Variants in CCDC3 observed in about 807,000 individuals in gnomAD.
CCDC3 encodes coiled-coil domain-containing protein 3.
CCDC3 carries 24 observed loss-of-function variants against 21.4 expected under a neutral mutation model. That is an observed-to-expected ratio of 1.12 (90% CI 0.81 to 1.58). The LOEUF is 1.58. Among genes scored for constraint, CCDC3 ranks in the 40% most tolerant of loss-of-function variants. The pLI is 0.00. For missense variants in CCDC3, 425 were observed against 360.9 expected (o/e 1.18, Z -1.44); for synonymous variants, 186 against 166.0 (o/e 1.12, Z -0.93).
At chr10:12,902,668 C>A (rs1252379013) in intron 2 of CCDC3, among the ~76,000 whole-genome samples, 1 of 152,080 alleles carries the variant, frequency 6.6e-6, no homozygotes, top group Non-Finnish European at 1.5e-5. Context: ...TCAGAAGCTG[C>A]GTTTAAAAAT....
Position 12,971,822 on chromosome 10 carries a change from A to G in CCDC3, c.549+26516T>C, listed in dbSNP as rs796904693. Reference sequence around the variant, plus strand: ...TTGCCTCAGCCTCCCAAGTCGCTGGAATTACAGGTGCCTGCCACCATGCCC... The same window carrying G: ...TTGCCTCAGCCTCCCAAGTCGCTGGGATTACAGGTGCCTGCCACCATGCCC... On this transcript the variant is annotated intron_variant, in intron 2 of 2. Transcript: ENST00000378825. Among the ~76,000 whole-genome samples, 5 of 152,148 alleles carry G rather than the reference A, an allele frequency of 3.3e-5. No individual in the cohort carries two copies. In the South Asian group the frequency reaches 1.0e-3, roughly 32 times the overall value.
chr10:13,067,114 AG>A (rs1564338218), intron 4 of CCDC3, among the ~76,000 whole-genome samples: 1 of 152,130 alleles, frequency 6.6e-6, no homozygotes, highest in African/African-American at 2.4e-5. Flanking sequence ...CTGAGGGTAG[AG>A]GAAACTGCAC....
chr10:12,961,749 A>G (rs1030035945), intron 2 of CCDC3, among the ~76,000 whole-genome samples: 5 of 152,174 alleles, frequency 3.3e-5, no homozygotes, highest in African/African-American at 1.2e-4. Flanking sequence ...ACCCCTAAGT[A>G]ATTAGATGAA....
rs1589036873 is a variant in CCDC3, at chr10:13,001,551, A to T, written c.20T>A (p.Leu7His). 1 of 1,262,578 alleles carries T rather than the reference A, an allele frequency of 7.9e-7. No homozygotes were observed. Among genetic ancestry groups the T allele is most frequent in the Non-Finnish European group, 9.9e-7 (1 of 1,005,488 alleles). 78.2% of individuals were successfully genotyped at this position (1,262,578 alleles called of 1,614,324 possible). A position where few individuals can be genotyped will look rare whatever the true frequency, so the allele number is the denominator to read the frequency against. The change falls in exon 1 of 3, where the codon CTC (leucine) becomes CAC (histidine). Residue 7 changes from leucine to histidine, a missense_variant. Coordinates refer to ENST00000378825, the MANE Select transcript of CCDC3 (RefSeq NM_031455.4). MLRQLL[L>H]AALCLAGPPA... is the part of the protein sequence containing the mutation. ...GGGACCCGCCAGGCAGAGCGCGGCG[A>T]GCAGCAGCTGGCGCAGCATGCCGGG...
intron 2 of CCDC3, among the ~76,000 whole-genome samples, chr10:12,958,892 A>C (rs1835135390): frequency 6.6e-6 from 1 of 152,082 alleles, no homozygotes; most frequent in Non-Finnish European, 1.5e-5. Flanking sequence ...CTGTTCCTTG[A>C]CCACTCACCA....
chr10:13,073,860 CA>C (rs537457492), intron 4 of CCDC3: 10 of 152,116 alleles, frequency 6.6e-5, no homozygotes, highest in African/African-American at 2.4e-4. Context: ...TCTACCATTC[CA>C]ACTCACCTTT....
chr10:13,008,401 A>C (rs1165352642), intron 5 of CCDC3, among the ~76,000 whole-genome samples: 1 of 152,160 alleles, frequency 6.6e-6, no homozygotes, highest in Non-Finnish European at 1.5e-5. Flanking sequence ...CATGTTGGGG[A>C]AGGCAGCAGC....
rs1295191078 is a variant in CCDC3 at position 12,897,205 on chromosome 10, G to GAAA, written c.*1208_*1210dup. The stretch of plus-strand genomic sequence containing the variant: ...AAGGCCATGATCAGAAGATAACCCA[G>GAAA]AAAAGGCCACCCAGTTGACTTCTTA... On this transcript the variant is annotated 3_prime_UTR_variant, in exon 3 of 3. Coordinates refer to ENST00000378825, the MANE Select transcript of CCDC3 (RefSeq NM_031455.4). 1 of 152,224 alleles carries GAAA rather than the reference G, an allele frequency of 6.6e-6. No homozygotes were observed. Among genetic ancestry groups the GAAA allele is most frequent in the African/African-American group, 2.4e-5 (1 of 41,452 alleles). 9.4% of individuals were successfully genotyped at this position (152,224 alleles called of 1,614,324 possible).
intron 2 of CCDC3, among the ~76,000 whole-genome samples, chr10:12,941,143 C>A (rs7084688): frequency 6.6e-6 from 1 of 151,716 alleles, no homozygotes; most frequent in Non-Finnish European, 1.5e-5. Context: ...TTGCAGTAAA[C>A]AAGCGGCTAA....
At chr10:12,913,925 G>C (rs1230787736) in intron 2 of CCDC3, among the ~76,000 whole-genome samples, 1 of 152,130 alleles carries the variant, frequency 6.6e-6, no homozygotes, top group Non-Finnish European at 1.5e-5. Context: ...ATATCCCTGG[G>C]ATAAATGTCA....
intron 2 of CCDC3, among the ~76,000 whole-genome samples, chr10:12,942,424 TC>T (rs1564292604): frequency 1.3e-5 from 2 of 152,194 alleles, no homozygotes; most frequent in East Asian, 3.9e-4. Flanking sequence ...TCATTTCTTT[TC>T]TAAGAAAGAA....
chr10:13,068,850 G>C (rs2099720), intron 4 of CCDC3, among the ~76,000 whole-genome samples: 29,070 of 152,240 alleles, frequency 0.19, 3,487 homozygotes, highest in East Asian at 0.29. Context: ...TGTGTTTTTA[G>C]CAAAAGATGA....
At chr10:13,039,378 G>A (rs561486149) in intron 5 of CCDC3, among the ~76,000 whole-genome samples, 4 of 151,446 alleles carry the variant, frequency 2.6e-5, no homozygotes, top group South Asian at 2.1e-4. Context: ...AACTGAGATC[G>A]TGCCACTGCA....
intron 2 of CCDC3, among the ~76,000 whole-genome samples, chr10:12,926,344 G>C (rs1834538598): frequency 6.6e-6 from 1 of 152,186 alleles, no homozygotes; most frequent in Non-Finnish European, 1.5e-5. Flanking sequence ...TGGTTGAGCT[G>C]AACTTAAGCA....
intron 2 of CCDC3, among the ~76,000 whole-genome samples, chr10:12,968,791 A>C (rs920301631): frequency 2.0e-5 from 3 of 152,190 alleles, no homozygotes; most frequent in African/African-American, 7.2e-5. Context: ...GCTTAAAATA[A>C]ATAGCCCATT....
At chr10:13,081,536 C>A (rs147537291) in intron 3 of CCDC3, among the ~76,000 whole-genome samples, 121 of 152,344 alleles carry the variant, frequency 7.9e-4, no homozygotes, top group African/African-American at 2.7e-3. Flanking sequence ...GTTCCAGGGT[C>A]AAGCCCTACC....
At chr10:12,944,230 T>G (rs1180501233) in intron 2 of CCDC3, among the ~76,000 whole-genome samples, 1 of 152,212 alleles carries the variant, frequency 6.6e-6, no homozygotes, top group Non-Finnish European at 1.5e-5. Context: ...TCTCCTTCCC[T>G]TACTAGAGTC....
intron 5 of CCDC3, among the ~76,000 whole-genome samples, chr10:13,013,630 G>A (rs942869176): frequency 2.0e-5 from 3 of 152,074 alleles, no homozygotes; most frequent in Non-Finnish European, 2.9e-5. Flanking sequence ...TCATGGTAAT[G>A]GAGCAAACTG....
At chr10:12,936,422 GAT>G (rs1321609380) in intron 2 of CCDC3, among the ~76,000 whole-genome samples, 4 of 151,998 alleles carry the variant, frequency 2.6e-5, no homozygotes, top group Non-Finnish European at 5.9e-5. Flanking sequence ...CAGTGGGTGT[GAT>G]CATGGCTCAC....
Sources: allele counts gnomAD v4.1 joint callset (sites outside exome capture counted in the v4.1 genomes callset), GRCh38; gene constraint gnomAD v4.1.1; transcripts MANE v1.5; gene names NCBI Gene and HGNC (gene_info 2026-07-23, HGNC 2026-07-21).